CERKL: variants seen among roughly 807,000 people sequenced by gnomAD.
The protein encoded by CERKL is CERK like autophagy regulator, also known as ceramide kinase-like protein.
A neutral mutation model predicts 63.4 loss-of-function variants in CERKL; 61 were observed. The observed-to-expected ratio is 0.96, with a 90% CI of 0.78 to 1.19. The LOEUF (loss-of-function observed/expected upper bound fraction) is 1.19, where lower values mean the gene tolerates loss of function less well. Ranked by LOEUF, CERKL falls within the 50% of genes most tolerant of loss-of-function variation. The pLI is 0.00. For synonymous variants in CERKL, 250 were observed against 230.5 expected (o/e 1.08, Z -0.77); for missense variants, 675 against 655.5 (o/e 1.03, Z -0.33).
chr2:181,548,407 G>T, intron 8 of CERKL, 138 bp downstream of exon 8: 2 of 719,490 alleles, frequency 2.8e-6, no homozygotes, highest in South Asian at 3.4e-5. Context: ...ACTAGGACCT[G>T]TAAGAGTCTG....
chr2:181,581,392 T>A (rs1684504767), intron 2 of CERKL, among the ~76,000 whole-genome samples: 1 of 152,218 alleles, frequency 6.6e-6, no homozygotes, highest in Admixed American at 6.5e-5. Flanking sequence ...GTATTATGTT[T>A]ATGGAACTAA....
intron 2 of CERKL, among the ~76,000 whole-genome samples, chr2:181,596,966 G>A (rs1685240418): frequency 6.6e-6 from 1 of 152,034 alleles, no homozygotes; most frequent in Admixed American, 6.5e-5. Context: ...TTTTTTAATA[G>A]CACCCTATTT....
At chr2:181,639,508 T>A (rs977461921) in intron 1 of CERKL, among the ~76,000 whole-genome samples, 1 of 152,196 alleles carries the variant, frequency 6.6e-6, no homozygotes, top group Admixed American at 6.5e-5. Flanking sequence ...AAACTGGAAG[T>A]GGCCAGAGAA....
intron 5 of CERKL, among the ~76,000 whole-genome samples, chr2:181,549,996 C>T (rs569896225): frequency 6.6e-6 from 1 of 152,222 alleles, no homozygotes; most frequent in African/African-American, 2.4e-5. Context: ...TATTTTCTAC[C>T]TCCCAAATGC....
chr2:181,555,390 T>C (rs1272422333), intron 5 of CERKL, among the ~76,000 whole-genome samples: 1 of 152,184 alleles, frequency 6.6e-6, no homozygotes, highest in Non-Finnish European at 1.5e-5. Flanking sequence ...ATGCATCATT[T>C]TTCTCTTTGA....
intron 2 of CERKL, among the ~76,000 whole-genome samples, chr2:181,584,268 T>C (rs1049005089): frequency 6.6e-6 from 1 of 152,090 alleles, no homozygotes; most frequent in Admixed American, 6.5e-5. Context: ...TCCCAGCACT[T>C]TGAGAGGCTG....
In CERKL at chr2:181,657,010, G is replaced by A. The variant is rs1025768758; in HGVS notation, c.-4C>T. 1.3e-6 allele frequency: 2 copies of A among 1,576,602 alleles called. No individual in the cohort carries two copies. The highest frequency in any genetic ancestry group is 1.7e-6 in the Non-Finnish European group (2 of 1,167,094). On this transcript the variant is annotated 5_prime_UTR_variant, in exon 1 of 13. Coordinates refer to ENST00000410087, the MANE Select transcript of CERKL (RefSeq NM_201548.5). ...TCCTGCGCCTCCTCCAGGGCATGGCGGAGTCGCAGGCTGGGCCCGAGCCAG... is the reference window on the plus strand; with the variant it reads ...TCCTGCGCCTCCTCCAGGGCATGGCAGAGTCGCAGGCTGGGCCCGAGCCAG...
At chr2:181,547,530 TC>T in intron 10 of CERKL, 87 bp downstream of exon 10, 1 of 1,000,014 alleles carries the variant, frequency 1.0e-6, no homozygotes, top group Non-Finnish European at 1.6e-6. Context: ...CTGTTAAGTT[TC>T]TAGCTAACCA....
intron 2 of CERKL, among the ~76,000 whole-genome samples, chr2:181,593,230 A>G (rs1255060645): frequency 1.3e-5 from 2 of 152,170 alleles, no homozygotes; most frequent in Non-Finnish European, 2.9e-5. Context: ...ACAATGACTA[A>G]TTGATTAATC....
intron 3 of CERKL, among the ~76,000 whole-genome samples, chr2:181,573,146 G>A (rs1430461259): frequency 6.6e-6 from 1 of 151,916 alleles, no homozygotes; most frequent in Non-Finnish European, 1.5e-5. Context: ...AAAGAAATGT[G>A]ACTACCAAAT....
intron 2 of CERKL, among the ~76,000 whole-genome samples, chr2:181,598,097 GAAGA>G (rs1685297290): frequency 6.6e-6 from 1 of 152,122 alleles, no homozygotes; most frequent in East Asian, 1.9e-4. Flanking sequence ...ACAGGTACTC[GAAGA>G]AAGAGTTTTT....
At chr2:181,609,228 G>C (rs1685850458) in intron 1 of CERKL, among the ~76,000 whole-genome samples, 1 of 150,666 alleles carries the variant, frequency 6.6e-6, no homozygotes, top group South Asian at 2.1e-4. Flanking sequence ...CTAGCATTAG[G>C]TATATCTCCC....
At chr2:181,607,210 T>A (rs1448352584) in intron 1 of CERKL, among the ~76,000 whole-genome samples, 3 of 152,206 alleles carry the variant, frequency 2.0e-5, no homozygotes, top group Non-Finnish European at 4.4e-5. Context: ...TTCTTAGCAA[T>A]ATTATAAAAA....
Position 181,537,656 on chromosome 2 carries a change from AAATTATTTCAG to A in CERKL, c.*517_*527del, listed in dbSNP as rs1165701523. 1 of 434,606 alleles carries A rather than the reference AAATTATTTCAG, an allele frequency of 2.3e-6. No individual in the cohort carries two copies. The highest frequency in any genetic ancestry group is 2.1e-5 in the African/African-American group (1 of 48,772). The allele number at this position is 434,606 out of a possible 1,614,324, so 26.9% of individuals were successfully genotyped here. A position where few individuals can be genotyped will look rare whatever the true frequency, so the allele number is the denominator to read the frequency against. ...CAAATCCTGAAAAATGAAAGAATCC[AAATTATTTCAG>A]AATTATCTAGGTTAAATATTGATGT... On this transcript the variant is annotated 3_prime_UTR_variant, in exon 13 of 13. Coordinates refer to ENST00000410087, the MANE Select transcript of CERKL (RefSeq NM_201548.5).
chr2:181,651,054 G>T (rs1687916745), intron 1 of CERKL, among the ~76,000 whole-genome samples: 1 of 152,168 alleles, frequency 6.6e-6, no homozygotes, highest in Non-Finnish European at 1.5e-5. Flanking sequence ...TTTCATCAAA[G>T]AAAGGCCCAG....
At chr2:181,628,262 G>A (rs533504350) in intron 1 of CERKL, among the ~76,000 whole-genome samples, 2 of 152,278 alleles carry the variant, frequency 1.3e-5, no homozygotes, top group South Asian at 4.1e-4. Context: ...TTGCACAGTG[G>A]TTCTCAAATT....
chr2:181,599,719 C>A (rs1347046087), intron 2 of CERKL, among the ~76,000 whole-genome samples: 1 of 151,882 alleles, frequency 6.6e-6, no homozygotes, highest in Non-Finnish European at 1.5e-5. Flanking sequence ...AGCAACCAAA[C>A]CTATGACTTA....
intron 1 of CERKL, among the ~76,000 whole-genome samples, chr2:181,623,374 T>G (rs1686539962): frequency 6.6e-6 from 1 of 151,990 alleles, no homozygotes; most frequent in East Asian, 1.9e-4. Flanking sequence ...GATAATGGGT[T>G]TTATGTCAGC....
At chr2:181,561,008 AG>A (rs1402284991) in intron 4 of CERKL, among the ~76,000 whole-genome samples, 1 of 152,176 alleles carries the variant, frequency 6.6e-6, no homozygotes, top group Non-Finnish European at 1.5e-5. Context: ...TTGGCCATGA[AG>A]GTCACAAAGA....
Sources: allele counts gnomAD v4.1 joint callset (sites outside exome capture counted in the v4.1 genomes callset), GRCh38; gene constraint gnomAD v4.1.1; transcripts MANE v1.5; gene names NCBI Gene and HGNC (gene_info 2026-07-23, HGNC 2026-07-21).